Variants in NKAIN3 observed in about 807,000 individuals in gnomAD.
NKAIN3 encodes sodium/potassium-transporting ATPase subunit beta-1-interacting protein 3.
Under a neutral mutation model 30.2 loss-of-function variants are expected in NKAIN3, and 25 were observed. The ratio of observed to expected loss-of-function variants is 0.83; its 90% confidence interval spans 0.60 to 1.16. The LOEUF is 1.16. Among genes scored for constraint, NKAIN3 ranks in the 50% most tolerant of loss-of-function variants. The probability of loss-of-function intolerance (pLI) is 0.00; values close to 1 mark genes in which losing one functional copy is unlikely to be tolerated. For missense variants in NKAIN3, 225 were observed against 254.1 expected (o/e 0.89, Z 0.78); for synonymous variants, 91 against 89.6 (o/e 1.02, Z -0.09).
intron 5 of NKAIN3, among the ~76,000 whole-genome samples, chr8:62,947,502 A>C (rs966356526): frequency 2.0e-5 from 3 of 152,212 alleles, no homozygotes; most frequent in African/African-American, 7.2e-5. Flanking sequence ...GAAGAATTTA[A>C]TTTCTAATAA....
chr8:62,791,267 A>G (rs1263252532), intron 4 of NKAIN3, among the ~76,000 whole-genome samples: 1 of 152,138 alleles, frequency 6.6e-6, no homozygotes, highest in East Asian at 1.9e-4. Flanking sequence ...CATAAAATGA[A>G]CAGCTCTTAG....
intron 4 of NKAIN3, among the ~76,000 whole-genome samples, chr8:62,807,816 C>G (rs1818350854): frequency 6.7e-6 from 1 of 149,474 alleles, no homozygotes; most frequent in African/African-American, 2.4e-5. Flanking sequence ...TTTGAAAACT[C>G]ATGCTCTATA....
chr8:62,574,638 G>A lies in NKAIN3; in HGVS notation c.55-4901G>A, dbSNP rs866066453. 4.6e-5 allele frequency among the ~76,000 whole-genome samples: 7 copies of A among 152,148 alleles called. No homozygotes were observed. The Middle Eastern group carries it at 0.01, about 222-fold the overall frequency. On this transcript the variant is annotated intron_variant, in intron 1 of 6. Coordinates refer to ENST00000623646, the MANE Select transcript of NKAIN3 (RefSeq NM_001304533.3). Reference sequence around the variant, plus strand: ...TAAATTCAAACCGTTCTCCATAGTGGTTGTAATGATTTACGTTTCCACCAA... The same window carrying A: ...TAAATTCAAACCGTTCTCCATAGTGATTGTAATGATTTACGTTTCCACCAA...
At chr8:62,372,699 T>C (rs1415886515) in intron 1 of NKAIN3, among the ~76,000 whole-genome samples, 2 of 152,050 alleles carry the variant, frequency 1.3e-5, no homozygotes, top group Non-Finnish European at 1.5e-5. Flanking sequence ...TTTTATTTTA[T>C]GTTTCCTTGT....
At chr8:62,933,556 T>C (rs1822687712) in intron 5 of NKAIN3, among the ~76,000 whole-genome samples, 1 of 152,194 alleles carries the variant, frequency 6.6e-6, no homozygotes, top group South Asian at 2.1e-4. Context: ...TGGACCATGA[T>C]TTTTTCTCTC....
At position 62,843,303 on chromosome 8, in the gene NKAIN3, TTTAA is replaced by T. The variant is rs869033734; in HGVS notation, c.472-75123_472-75120del. On this transcript the variant is annotated intron_variant, in intron 4 of 6. Transcript: ENST00000623646. ...TCCCTGCTAACGTCTTTTTTCTTTTTTTAATTAATTAATTAATTAATTAATTAAT... is the reference window on the plus strand; with the variant it reads ...TCCCTGCTAACGTCTTTTTTCTTTTTTTAATTAATTAATTAATTAATTAAT... Among the ~76,000 whole-genome samples the T allele has an allele frequency of 5.1e-3, 771 of 151,458 alleles. 7 individuals carry two copies. The highest frequency in any genetic ancestry group is 0.013 in the African/African-American group (540 of 41,410).
At chr8:62,684,813 G>T (rs775939571) in intron 3 of NKAIN3, among the ~76,000 whole-genome samples, 5 of 152,150 alleles carry the variant, frequency 3.3e-5, no homozygotes, top group Non-Finnish European at 7.3e-5. Flanking sequence ...TTATGACACA[G>T]ACATGTGCAG....
chr8:62,490,100 G>T (rs1807022028), intron 1 of NKAIN3, among the ~76,000 whole-genome samples: 1 of 152,124 alleles, frequency 6.6e-6, no homozygotes. Context: ...AGTCTTTCTG[G>T]TGTGTCAACT....
At chr8:62,639,320 A>G (rs1801239255) in intron 3 of NKAIN3, among the ~76,000 whole-genome samples, 1 of 152,168 alleles carries the variant, frequency 6.6e-6, no homozygotes, top group Non-Finnish European at 1.5e-5. Flanking sequence ...AAATGCTACT[A>G]GAAGTTCCAA....
chr8:62,859,508 T>TAAAAAAAAAGAAAAAAAAAAAAAA (rs1820173797), intron 4 of NKAIN3, among the ~76,000 whole-genome samples: 1 of 60,442 alleles, frequency 1.7e-5, no homozygotes, highest in African/African-American at 5.6e-5. Flanking sequence ...TTACTTCAAC[T>TAAAAAAAAAGAAAAAAAAAAAAAA]AAAAAAAAAA....
intron 3 of NKAIN3, among the ~76,000 whole-genome samples, chr8:62,659,623 T>C (rs1308208507): frequency 6.6e-6 from 1 of 152,160 alleles, no homozygotes; most frequent in Non-Finnish European, 1.5e-5. Context: ...TGTTGTGTAA[T>C]CTATTGCGTA....
At chr8:62,798,566 C>A (rs547055319) in intron 4 of NKAIN3, among the ~76,000 whole-genome samples, 1 of 141,876 alleles carries the variant, frequency 7.0e-6, no homozygotes, top group Non-Finnish European at 1.5e-5. Context: ...AGTGAGACTC[C>A]GTCCCCCCCA....
intron 4 of NKAIN3, among the ~76,000 whole-genome samples, chr8:62,822,425 G>A (rs754904513): frequency 1.4e-4 from 21 of 152,060 alleles, no homozygotes; most frequent in South Asian, 4.1e-4. Context: ...AGTCTGACCC[G>A]CATGTACATA....
chr8:62,468,689 A>G (rs1806233719), intron 1 of NKAIN3, among the ~76,000 whole-genome samples: 1 of 152,194 alleles, frequency 6.6e-6, no homozygotes, highest in South Asian at 2.1e-4. Flanking sequence ...ATTTTCTTGT[A>G]ATTTAATTTT....
intron 4 of NKAIN3, among the ~76,000 whole-genome samples, chr8:62,800,305 C>T (rs1818013560): frequency 1.3e-5 from 2 of 152,106 alleles, no homozygotes; most frequent in Non-Finnish European, 2.9e-5. Flanking sequence ...TTGATTCTGC[C>T]AATTATTACT....
intron 4 of NKAIN3, among the ~76,000 whole-genome samples, chr8:62,883,174 G>A (rs1295830823): frequency 6.6e-6 from 1 of 152,086 alleles, no homozygotes; most frequent in African/African-American, 2.4e-5. Flanking sequence ...TGATGATATT[G>A]AGTCTCCCTA....
intron 4 of NKAIN3, among the ~76,000 whole-genome samples, chr8:62,862,697 T>C (rs1871572): frequency 0.084 from 12,732 of 152,220 alleles, 761 homozygotes; most frequent in East Asian, 0.29. Context: ...GAATGATTTA[T>C]AGCTTTTAGG....
chr8:62,753,741 G>T (rs1816359909), intron 4 of NKAIN3, among the ~76,000 whole-genome samples: 1 of 151,968 alleles, frequency 6.6e-6, no homozygotes, highest in African/African-American at 2.4e-5. Context: ...CATAACTTTT[G>T]GTCTTGTAAC....
chr8:62,881,013 T>A (rs776004188), intron 4 of NKAIN3, among the ~76,000 whole-genome samples: 8 of 152,208 alleles, frequency 5.3e-5, no homozygotes, highest in Non-Finnish European at 7.3e-5. Flanking sequence ...AATTTTGCTA[T>A]GACCGTAAAA....
Sources: gnomAD v4.1 joint callset for allele counts (sites outside exome capture counted in the v4.1 genomes callset) on GRCh38, gnomAD v4.1.1 for gene constraint, MANE v1.5 for transcripts, NCBI Gene and HGNC (gene_info 2026-07-23, HGNC 2026-07-21) for gene names.